Variants in TMEM234 observed in about 807,000 individuals in gnomAD.
TMEM234 encodes the protein transmembrane protein 234.
In TMEM234, 21 loss-of-function variants were observed where a neutral mutation model predicts 17.8. The ratio of observed to expected loss-of-function variants is 1.18; its 90% CI spans 0.84 to 1.70. TMEM234 has a LOEUF of 1.70. Ranked by LOEUF, TMEM234 falls within the 40% of genes most tolerant of loss-of-function variation. The pLI, the probability that TMEM234 is intolerant of heterozygous loss-of-function variation, is 0.00. For synonymous variants in TMEM234, 83 were observed against 73.5 expected (o/e 1.13, Z -0.66); for missense variants, 137 against 166.9 (o/e 0.82, Z 0.99).
chr1:32,214,949 G>A (rs1410260618), downstream of TMEM234: 3 of 1,613,606 alleles, frequency 1.9e-6, no homozygotes, highest in East Asian at 6.7e-5. Context: ...GGTCCCTGGG[G>A]CTCAGGCCCT....
chr1:32,219,435 C>G (rs1638696861), intron 3 of TMEM234, among the ~76,000 whole-genome samples: 2 of 152,182 alleles, frequency 1.3e-5, no homozygotes, highest in African/African-American at 4.8e-5. Flanking sequence ...CTCTGTTGCT[C>G]AGGCTGGAGT....
At position 32,221,986 on chromosome 1, in the gene TMEM234, G is replaced by A. The variant is rs753288663; in HGVS notation, c.49C>T (p.Leu17=). 1 of 1,612,428 alleles carries A rather than the reference G, an allele frequency of 6.2e-7. No individual in the cohort carries two copies. Among genetic ancestry groups the A allele is most frequent in the Non-Finnish European group, 8.5e-7 (1 of 1,179,760 alleles). ...AGCAGCGGCTGCGTGCCACCCCACA[G>A]AGCGGCCACCAGCACCAGAGCCAAC... ...QVLALVLVAA[L]WGGTQPLLKR... is the part of the protein sequence containing the mutation. The change falls in exon 2 of 5, where the codon CTG becomes TTG. Residue 17 remains leucine, a synonymous_variant. Transcript: ENST00000309777.
chr1:32,221,135 C>G lies in TMEM234; in HGVS notation c.231G>C (p.Ser77=). ...GSLLYYLTLA[S]TDLTLAVPIC... is the part of the protein sequence containing the mutation. The stretch of plus-strand genomic sequence containing the variant: ...CAGTTCCAAGCCAGGACCCACCTGT[C>G]GATGCCAAGGTGAGGTAATAGAGAA... The change falls in exon 3 of 5, where the codon TCG becomes TCC. Residue 77 remains serine, a synonymous_variant. Coordinates refer to ENST00000309777, the MANE Select transcript of TMEM234 (RefSeq NM_019118.5). 6.2e-7 allele frequency: 1 copy of G among 1,613,162 alleles called. No individual in the cohort carries two copies. The highest frequency in any genetic ancestry group is 8.5e-7 in the Non-Finnish European group (1 of 1,179,526).
At chr1:32,214,680 G>A (rs1290258817), downstream of TMEM234, 5 of 1,430,134 alleles carry the variant, frequency 3.5e-6, no homozygotes, top group Admixed American at 4.5e-5. Context: ...GAAGACAGAC[G>A]GTGTCTCCTC....
chr1:32,222,091 T>A (rs1638973996), intron 1 of TMEM234, 73 bp from the exon 2 acceptor site: 16 of 1,502,956 alleles, frequency 1.1e-5, no homozygotes, highest in African/African-American at 1.4e-5. Context: ...CCTGGCCTTC[T>A]AGCCCCAGCT....
rs1379367235 is a variant in TMEM234 at position 32,216,945 on chromosome 1, C to T, written c.331G>A (p.Ala111Thr). 1.2e-6 allele frequency: 2 copies of T among 1,614,214 alleles called. No individual in the cohort carries two copies. The highest frequency in any genetic ancestry group is 3.3e-5 in the Admixed American group (2 of 60,032). ...ALGEDIGGKR[A>T]VAGMVLTVIG... ...ACGGTGAGCACCATGCCAGCAACTG[C>T]TCCTGGGATAATAGGCAGAAATCAG... The change falls in exon 5 of 5, where the codon GCA becomes ACA. Residue 111 changes from alanine to threonine, a missense_variant and splice_region_variant. Ala to Thr is a moderately conservative substitution (Grantham distance 58, BLOSUM62 0). Transcript: ENST00000309777.
chr1:32,221,461 C>A (rs1638901697), intron 2 of TMEM234, among the ~76,000 whole-genome samples: 1 of 152,152 alleles, frequency 6.6e-6, no homozygotes, highest in Non-Finnish European at 1.5e-5. Flanking sequence ...TCCAGGAAGC[C>A]TTCCCCAAGT....
intron 3 of TMEM234, among the ~76,000 whole-genome samples, chr1:32,218,413 T>C (rs1248885968): frequency 6.7e-6 from 1 of 150,356 alleles, no homozygotes; most frequent in African/African-American, 2.4e-5. Context: ...GAAACAAGAG[T>C]GAAACTCTGT....
At position 32,216,927 on chromosome 1, in the gene TMEM234, G is replaced by C. The variant is rs756021806; in HGVS notation, c.349C>G (p.Leu117Val). ...CAGAGTGAAATTCCTATCACGGTGA[G>C]CACCATGCCAGCAACTGCTCCTGGG... ...GGKRAVAGMV[L>V]TVIGISLCIT... The change falls in exon 5 of 5, where the codon CTC becomes GTC. Residue 117 changes from leucine (L) to valine (V), a missense_variant. By Grantham distance (32) the Leu-to-Val change is conservative. Coordinates refer to ENST00000309777, the MANE Select transcript of TMEM234 (RefSeq NM_019118.5). 7.4e-6 allele frequency: 12 copies of C among 1,614,096 alleles called. No homozygotes were observed. In the African/African-American group the frequency reaches 1.6e-4, roughly 22 times the overall value.
rs1638488825 is a variant in TMEM234, at chr1:32,217,329, G to C, written c.258C>G (p.Ile86Met). 1 of 1,612,088 alleles carries C rather than the reference G, an allele frequency of 6.2e-7. No homozygotes were observed. Among genetic ancestry groups the C allele is most frequent in the African/African-American group, 1.3e-5 (1 of 75,032 alleles). ...TGAAGATGATAGCCAGAGAGTTACA[G>C]ATGGGCACAGCCAGGGTCAGATCTG... ...ASTDLTLAVP[I>M]CNSLAIIFTL... Residue 86 changes from isoleucine to methionine, a missense_variant, in exon 4 of 5, where the codon ATC (isoleucine) becomes ATG (methionine). Ile to Met is a conservative substitution (Grantham distance 10). Transcript: ENST00000309777.
At chr1:32,217,005 G>T in intron 4 of TMEM234, 58 bp from the exon 5 acceptor site, 1 of 1,611,318 alleles carries the variant, frequency 6.2e-7, no homozygotes, top group South Asian at 1.1e-5. Context: ...GTAGGAGCTG[G>T]TACAGGGCTG....
rs184564004 is a variant in TMEM234 at position 32,218,253 on chromosome 1, C to G, written c.236-902G>C. Among the ~76,000 whole-genome samples, 144 of 151,620 alleles carry G rather than the reference C, an allele frequency of 9.5e-4. 1 individual carries two copies. The highest frequency in any genetic ancestry group is 2.9e-3 in the African/African-American group (121 of 41,336). On this transcript the variant is annotated intron_variant, in intron 3 of 4. Coordinates refer to ENST00000309777, the MANE Select transcript of TMEM234 (RefSeq NM_019118.5). The stretch of plus-strand genomic sequence containing the variant: ...CAGCTTGGCCAACATGGTGAAACCC[C>G]GTCTCTACTAAAAATACCAAAAATT...
chr1:32,215,956 G>A, downstream of TMEM234: 2 of 1,387,274 alleles, frequency 1.4e-6, no homozygotes, highest in Non-Finnish European at 1.0e-6. Flanking sequence ...TTTGTCCTTA[G>A]CCTCCAGCAG....
downstream of TMEM234, chr1:32,216,033 C>T: frequency 5.0e-6 from 4 of 797,014 alleles, no homozygotes; most frequent in Non-Finnish European, 8.1e-6. Context: ...TCAGCCCTCC[C>T]CGTTCTCCTG....
downstream of TMEM234, chr1:32,216,162 G>A (rs1442035370): frequency 1.3e-6 from 1 of 742,266 alleles, no homozygotes; most frequent in Admixed American, 2.9e-5. Context: ...GCCTGGGAGA[G>A]GGTTTGTCAC....
At position 32,216,342 on chromosome 1, in the gene TMEM234, C is replaced by G; in HGVS notation, c.*511G>C. On this transcript the variant is annotated 3_prime_UTR_variant, in exon 5 of 5. Coordinates refer to ENST00000309777, the MANE Select transcript of TMEM234 (RefSeq NM_019118.5). The stretch of plus-strand genomic sequence containing the variant: ...TACCTCATGGGTGGGGCAGGCAAGG[C>G]TAATAGACAGCTCATTTCCTGCATC... 3 of 1,545,426 alleles carry G rather than the reference C, an allele frequency of 1.9e-6. No individual in the cohort carries two copies. Among genetic ancestry groups the G allele is most frequent in the Non-Finnish European group, 2.6e-6 (3 of 1,144,826 alleles).
At chr1:32,217,099 C>T in intron 4 of TMEM234, 152 bp from the exon 5 acceptor site, 1 of 1,565,552 alleles carries the variant, frequency 6.4e-7, no homozygotes, top group Non-Finnish European at 8.7e-7. Context: ...GAAGGGAACT[C>T]TGATGGCCAC....
At chr1:32,218,796 G>C (rs1357350996) in intron 3 of TMEM234, among the ~76,000 whole-genome samples, 2 of 152,286 alleles carry the variant, frequency 1.3e-5, no homozygotes, top group African/African-American at 2.4e-5. Flanking sequence ...AAATTAGCCA[G>C]GCATGGTGGT....
rs1335194852 is a variant in TMEM234 at position 32,216,865 on chromosome 1, C to T, written c.411G>A (p.Gln137=). 6.2e-7 allele frequency: 1 copy of T among 1,614,064 alleles called. No homozygotes were observed. The highest frequency in any genetic ancestry group is 8.5e-7 in the Non-Finnish European group (1 of 1,180,050). The change falls in exon 5 of 5, where the codon CAG becomes CAA. Residue 137 remains glutamine, a synonymous_variant. Coordinates refer to ENST00000309777, the MANE Select transcript of TMEM234 (RefSeq NM_019118.5). The part of the protein sequence containing the change: ...TSSVSKTQGQ[Q]STL ...GGGTTCGGCCCACTCAAAGGGTAGA[C>T]TGTTGCCCCTGGGTCTTACTCACTG...
Sources: gnomAD v4.1 joint callset for allele counts (sites outside exome capture counted in the v4.1 genomes callset) on GRCh38, gnomAD v4.1.1 for gene constraint, MANE v1.5 for transcripts, NCBI Gene and HGNC (gene_info 2026-07-23, HGNC 2026-07-21) for gene names.